The following LRRC28 variants were observed in gnomAD, a reference collection of about 807,000 sequenced individuals.
LRRC28 encodes leucine rich repeat containing 28.
Under a neutral mutation model 45.7 loss-of-function variants are expected in LRRC28, and 39 were observed. The ratio of observed to expected loss-of-function variants is 0.85; its 90% confidence interval spans 0.66 to 1.12. The LOEUF is 1.12. LRRC28 is among the 50% of genes most tolerant of loss of function. LRRC28 has a pLI of 0.00. For synonymous variants in LRRC28, 206 were observed against 178.8 expected, an observed-to-expected ratio of 1.15 and a Z score of -1.22; for missense variants, 435 against 438.5, an observed-to-expected ratio of 0.99 and a Z score of 0.07.
chr15:99,272,706 A>C (rs188720433), intron 2 of LRRC28, among the ~76,000 whole-genome samples: 2 of 152,310 alleles, frequency 1.3e-5, no homozygotes, highest in African/African-American at 4.8e-5. Flanking sequence ...TAATAATGTA[A>C]ATGAGATTTA....
chr15:99,297,822 A>G (rs1251948918), intron 5 of LRRC28, among the ~76,000 whole-genome samples: 1 of 151,988 alleles, frequency 6.6e-6, no homozygotes, highest in Non-Finnish European at 1.5e-5. Flanking sequence ...AAGACTTTTC[A>G]ATTTTATTTA....
intron 2 of LRRC28, chr15:99,259,599 T>C (rs571646890): frequency 6.7e-7 from 1 of 1,495,418 alleles, no homozygotes; most frequent in Non-Finnish European, 9.3e-7. Context: ...GAGAGAATCA[T>C]GAAAGCACAA....
intron 5 of LRRC28, among the ~76,000 whole-genome samples, chr15:99,313,337 C>G (rs574126562): frequency 6.6e-6 from 1 of 152,108 alleles, no homozygotes; most frequent in East Asian, 1.9e-4. Flanking sequence ...ATAAACAACG[C>G]AATTATGTTG....
intron 5 of LRRC28, among the ~76,000 whole-genome samples, chr15:99,296,281 G>A (rs142433488): frequency 6.6e-6 from 1 of 152,262 alleles, no homozygotes; most frequent in East Asian, 1.9e-4. Context: ...GGTCAGCCCT[G>A]GTTTCCTCAT....
At chr15:99,309,569 TG>T (rs1157124670) in intron 5 of LRRC28, among the ~76,000 whole-genome samples, 2 of 152,062 alleles carry the variant, frequency 1.3e-5, no homozygotes, top group African/African-American at 4.8e-5. Flanking sequence ...CCACCACGCC[TG>T]GCTAATTTTT....
intron 6 of LRRC28, among the ~76,000 whole-genome samples, chr15:99,352,014 A>G (rs11247083): frequency 0.34 from 51,018 of 152,082 alleles, 10,334 homozygotes; most frequent in African/African-American, 0.58. Flanking sequence ...CAGGGTGATT[A>G]GACCAAGGAG....
At position 99,251,498 on chromosome 15, in the gene LRRC28, C is replaced by CGA. The variant is rs888800072; in HGVS notation, c.-104_-103insGA. ...CGCCCGCCGTCCCCCGCTTGGCTTC[C>CGA]AGCGCCGCTTGCGCTCCGGAGCGCT... is the stretch of plus-strand genomic sequence containing the variant. On this transcript the variant is annotated 5_prime_UTR_variant, in exon 1 of 10. Transcript: ENST00000301981. The CGA allele has an allele frequency of 1.3e-5, 2 of 152,382 alleles. No homozygotes were observed. Among genetic ancestry groups the CGA allele is most frequent in the African/African-American group, 4.8e-5 (2 of 41,424 alleles). 9.4% of individuals were successfully genotyped at this position (152,382 alleles called of 1,614,324 possible).
chr15:99,359,254 T>C (rs766732841), intron 7 of LRRC28, among the ~76,000 whole-genome samples: 1 of 152,172 alleles, frequency 6.6e-6, no homozygotes, highest in African/African-American at 2.4e-5. Flanking sequence ...AAGAGAACCA[T>C]ATGCAAAGTT....
At position 99,333,959 on chromosome 15, in the gene LRRC28, T is replaced by A. The variant is rs746681650; in HGVS notation, c.422T>A (p.Ile141Asn). 9 of 1,614,024 alleles carry A rather than the reference T, an allele frequency of 5.6e-6. No individual in the cohort carries two copies. In the South Asian group the frequency reaches 8.8e-5, roughly 16 times the overall value. Residue 141 changes from isoleucine (I) to asparagine (N), a missense_variant, in exon 6 of 10, where the codon ATT (isoleucine) becomes AAT (asparagine). By Grantham distance (149) the Ile-to-Asn change is moderately radical (BLOSUM62 -3). Transcript: ENST00000301981. ...GDLKELQTLD[I>N]STNRLLTLPE... ...TTGAAGGAGCTGCAGACACTAGACA[T>A]TTCTACCAATCGTTTGCTAACTTTA...
chr15:99,256,075 C>G lies in LRRC28; in HGVS notation c.118C>G (p.Leu40Val), dbSNP rs2081011182. Residue 40 changes from leucine (L) to valine (V), a missense_variant, in exon 2 of 10, where the codon CTG (leucine) becomes GTG (valine). By Grantham distance (32) the Leu-to-Val change is conservative (BLOSUM62 1). Coordinates refer to ENST00000301981, the MANE Select transcript of LRRC28 (RefSeq NM_144598.5). The part of the protein sequence containing the change: ...FPLELLKDEG[L>V]QYLERLYMKR... The stretch of plus-strand genomic sequence containing the variant: ...ATTGGAGTTACTGAAAGATGAGGGA[C>G]TGCAGTACTTGGAGAGACTCTATAT... 1 of 1,613,770 alleles carries G rather than the reference C, an allele frequency of 6.2e-7. No individual in the cohort carries two copies. The highest frequency in any genetic ancestry group is 8.5e-7 in the Non-Finnish European group (1 of 1,179,816).
intron 5 of LRRC28, among the ~76,000 whole-genome samples, chr15:99,315,195 A>G (rs1955550854): frequency 6.6e-6 from 1 of 152,190 alleles, no homozygotes. Context: ...TTGATTATTT[A>G]TTTAAAATAT....
chr15:99,341,777 TTTG>T (rs1360270436), intron 6 of LRRC28, among the ~76,000 whole-genome samples: 5 of 152,310 alleles, frequency 3.3e-5, no homozygotes, highest in East Asian at 1.9e-4. Flanking sequence ...AGGAGAGTTT[TTTG>T]TTGTTCTCGT....
chr15:99,278,404 C>T (rs1479509996), intron 3 of LRRC28, among the ~76,000 whole-genome samples: 6 of 152,184 alleles, frequency 3.9e-5, no homozygotes, highest in Admixed American at 2.0e-4. Context: ...TCCGCCACCA[C>T]GCCTGGCTAA....
At chr15:99,263,861 G>A (rs1469451501) in intron 2 of LRRC28, among the ~76,000 whole-genome samples, 1 of 125,482 alleles carries the variant, frequency 8.0e-6, no homozygotes, top group East Asian at 2.0e-4. Context: ...TGGAACAGCT[G>A]CTGCTTCTTA....
intron 5 of LRRC28, among the ~76,000 whole-genome samples, chr15:99,292,311 A>AGT (rs1215090188): frequency 2.0e-5 from 3 of 149,270 alleles, no homozygotes; most frequent in African/African-American, 4.9e-5. Flanking sequence ...GGTGGGACGG[A>AGT]GTGTGTGTGT....
At chr15:99,373,532 G>C (rs1379339019) in intron 9 of LRRC28, among the ~76,000 whole-genome samples, 1 of 152,048 alleles carries the variant, frequency 6.6e-6, no homozygotes, top group Non-Finnish European at 1.5e-5. Flanking sequence ...TACTAACAAT[G>C]CAATTATACA....
intron 2 of LRRC28, among the ~76,000 whole-genome samples, chr15:99,271,741 C>T (rs890190352): frequency 1.3e-5 from 2 of 152,082 alleles, no homozygotes; most frequent in African/African-American, 2.4e-5. Context: ...GTACTATAGG[C>T]GCATGCCACC....
chr15:99,390,418 CAG>C lies in LRRC28; in HGVS notation c.*4318_*4319del, dbSNP rs1958150533. ...AATTAAGAGACTTTCAAGGGTTAGC[CAG>C]ACTTTTTTCCACTCAAGTGTGGATT... On this transcript the variant is annotated 3_prime_UTR_variant, in exon 10 of 10. Coordinates refer to ENST00000301981, the MANE Select transcript of LRRC28 (RefSeq NM_144598.5). The C allele has an allele frequency of 7.7e-6, 1 of 130,030 alleles. No homozygotes were observed. The highest frequency in any genetic ancestry group is 7.2e-5 in the Admixed American group (1 of 13,984). 8.1% of individuals were successfully genotyped at this position (130,030 alleles called of 1,614,324 possible).
intron 5 of LRRC28, among the ~76,000 whole-genome samples, chr15:99,296,119 A>G (rs1458651937): frequency 1.3e-5 from 2 of 152,178 alleles, no homozygotes; most frequent in Non-Finnish European, 2.9e-5. Context: ...TTGAGAGTGT[A>G]TTGGCATAGG....
Sources: allele counts gnomAD v4.1 joint callset (sites outside exome capture counted in the v4.1 genomes callset), GRCh38; gene constraint gnomAD v4.1.1; transcripts MANE v1.5; gene names NCBI Gene and HGNC (gene_info 2026-07-23, HGNC 2026-07-21).